The following TMEM117 variants were observed in gnomAD, a reference collection of about 807,000 sequenced individuals.
TMEM117 encodes transmembrane protein 117.
Under a neutral mutation model 52.4 loss-of-function variants are expected in TMEM117, and 27 were observed. The ratio of observed to expected loss-of-function variants is 0.51; its 90% confidence interval spans 0.38 to 0.71. The LOEUF is 0.71. Ranked by LOEUF, TMEM117 falls within the 30% of genes least tolerant of loss-of-function variation. The pLI is 0.00. For missense variants in TMEM117, 556 were observed against 630.5 expected (o/e 0.88, Z 1.26); for synonymous variants, 215 against 206.3 (o/e 1.04, Z -0.36).
chr12:44,343,967 C>T (rs572625413), intron 6 of TMEM117, among the ~76,000 whole-genome samples: 2 of 152,092 alleles, frequency 1.3e-5, no homozygotes, highest in South Asian at 2.1e-4. Flanking sequence ...GAGCCAGAAG[C>T]CGGAAGCTGG....
intron 5 of TMEM117, chr12:44,244,287 T>C (rs1257082957): frequency 1.3e-5 from 2 of 152,064 alleles, no homozygotes; most frequent in Admixed American, 1.3e-4. Context: ...CCAACACTTA[T>C]CTTTTGTCTT....
chr12:43,811,873 C>T, the TMEM117 span, among the ~76,000 whole-genome samples: 168 of 152,268 alleles, frequency 1.1e-3, 1 homozygote, highest in Admixed American at 6.5e-4. Context: ...TGCATAAAAG[C>T]AGCTAAATAT....
At chr12:43,859,022 A>G (rs888732406) in intron 2 of TMEM117, among the ~76,000 whole-genome samples, 2 of 152,284 alleles carry the variant, frequency 1.3e-5, no homozygotes, top group South Asian at 4.1e-4. Context: ...AAAGCTTCCT[A>G]GAGAAATAGG....
the TMEM117 span, chr12:43,798,492 AAATG>A: frequency 4.5e-5 from 63 of 1,414,800 alleles, no homozygotes; most frequent in South Asian, 1.4e-4. Context: ...ACTTTTAAAA[AAATG>A]AATGGAGATT....
intron 3 of TMEM117, among the ~76,000 whole-genome samples, chr12:44,038,529 G>C (rs9971818): frequency 9.7e-4 from 147 of 152,302 alleles, no homozygotes; most frequent in African/African-American, 3.4e-3. Context: ...ACTCGTGCCT[G>C]GCTTGCCCTT....
intron 4 of TMEM117, among the ~76,000 whole-genome samples, chr12:44,180,999 T>A (rs1444706382): frequency 6.6e-6 from 1 of 152,166 alleles, no homozygotes; most frequent in Non-Finnish European, 1.5e-5. Flanking sequence ...TTTCTCCACA[T>A]CCTCTCCAGC....
At chr12:43,933,302 G>A (rs568604897) in intron 2 of TMEM117, among the ~76,000 whole-genome samples, 15 of 151,214 alleles carry the variant, frequency 9.9e-5, no homozygotes, top group South Asian at 4.2e-4. Flanking sequence ...CAGGGTTCAC[G>A]CCATTCTCCT....
At chr12:43,992,264 C>G (rs1565783710) in intron 3 of TMEM117, among the ~76,000 whole-genome samples, 1 of 151,498 alleles carries the variant, frequency 6.6e-6, no homozygotes. Context: ...TTAATTTTAA[C>G]TTAATTTAAT....
At chr12:44,216,126 G>A (rs938565030) in intron 5 of TMEM117, among the ~76,000 whole-genome samples, 3 of 149,886 alleles carry the variant, frequency 2.0e-5, no homozygotes, top group African/African-American at 7.4e-5. Flanking sequence ...TCCTGCCTCA[G>A]ACTCCTGAGT....
chr12:44,143,468 G>A (rs1948597686), intron 3 of TMEM117, 57 bp from the exon 4 acceptor site: 1 of 1,367,524 alleles, frequency 7.3e-7, no homozygotes, highest in African/African-American at 1.4e-5. Context: ...GAACCAGAAA[G>A]CCTTAACTGT....
At chr12:44,090,500 A>C (rs1208825436) in intron 3 of TMEM117, among the ~76,000 whole-genome samples, 1 of 151,354 alleles carries the variant, frequency 6.6e-6, no homozygotes, top group Non-Finnish European at 1.5e-5. Flanking sequence ...GCAGTGGCAC[A>C]ATCTCGGCTC....
At chr12:43,893,639 C>G (rs905715865) in intron 2 of TMEM117, among the ~76,000 whole-genome samples, 1 of 152,136 alleles carries the variant, frequency 6.6e-6, no homozygotes, top group Non-Finnish European at 1.5e-5. Context: ...TTTTTTCCAT[C>G]CAAATGTTAC....
intron 2 of TMEM117, among the ~76,000 whole-genome samples, chr12:43,883,272 GAA>G (rs1943930190): frequency 6.6e-6 from 1 of 152,164 alleles, no homozygotes; most frequent in Non-Finnish European, 1.5e-5. Flanking sequence ...TTTAAAAAGA[GAA>G]ACATTGTTGA....
At chr12:43,906,272 G>T (rs546022888) in intron 2 of TMEM117, among the ~76,000 whole-genome samples, 22 of 152,158 alleles carry the variant, frequency 1.4e-4, no homozygotes, top group Non-Finnish European at 2.9e-4. Flanking sequence ...AGACCAGCCT[G>T]GCCAACATGG....
At chr12:44,071,644 T>G (rs954517277) in intron 3 of TMEM117, among the ~76,000 whole-genome samples, 1 of 152,208 alleles carries the variant, frequency 6.6e-6, no homozygotes, top group Admixed American at 6.5e-5. Flanking sequence ...CTTATGTAGC[T>G]GCTAACAGCT....
At chr12:43,988,522 A>T (rs1275344355) in intron 3 of TMEM117, among the ~76,000 whole-genome samples, 1 of 152,168 alleles carries the variant, frequency 6.6e-6, no homozygotes, top group Non-Finnish European at 1.5e-5. Flanking sequence ...GAATGAAAGT[A>T]TGTAGTCTTG....
At chr12:44,059,510 G>A (rs1947107106) in intron 3 of TMEM117, among the ~76,000 whole-genome samples, 1 of 152,044 alleles carries the variant, frequency 6.6e-6, no homozygotes, top group African/African-American at 2.4e-5. Context: ...TCATTTTGGG[G>A]TGGTCTTTAC....
At chr12:43,949,166 G>A (rs762589000) in intron 3 of TMEM117, among the ~76,000 whole-genome samples, 2 of 152,186 alleles carry the variant, frequency 1.3e-5, no homozygotes, top group Non-Finnish European at 2.9e-5. Flanking sequence ...AAGGCAGAGT[G>A]AGAGACTGAG....
intron 3 of TMEM117, among the ~76,000 whole-genome samples, chr12:44,033,933 T>A (rs1345696120): frequency 6.6e-6 from 1 of 152,242 alleles, no homozygotes; most frequent in Non-Finnish European, 1.5e-5. Flanking sequence ...TGAAGTTTGA[T>A]GTTTTCTTCA....
Sources: allele counts gnomAD v4.1 joint callset (sites outside exome capture counted in the v4.1 genomes callset), GRCh38; gene constraint gnomAD v4.1.1; transcripts MANE v1.5; gene names NCBI Gene and HGNC (gene_info 2026-07-23, HGNC 2026-07-21).